The following HNRNPL variants were observed in gnomAD, a reference collection of about 807,000 sequenced individuals.
The protein encoded by HNRNPL is epididymis secretory sperm binding protein.
In HNRNPL, 12 loss-of-function variants were observed where a neutral mutation model predicts 64.0. The observed-to-expected ratio is 0.19, with a 90% confidence interval of 0.12 to 0.30. The LOEUF is 0.30. Ranked by LOEUF, HNRNPL falls within the 10% of genes least tolerant of loss-of-function variation. The pLI, the probability that HNRNPL is intolerant of heterozygous loss-of-function variation, is 1.00. For synonymous variants in HNRNPL, 385 were observed against 313.0 expected (o/e 1.23, Z -2.43); for missense variants, 484 against 797.4 (o/e 0.61, Z 4.73).
In HNRNPL at chr19:38,839,358, C is replaced by A. The variant is rs139215397; in HGVS notation, c.1234-343G>T. The A allele has an allele frequency of 2.6e-5, 7 of 270,422 alleles. No individual in the cohort carries two copies. The East Asian group carries it at 5.7e-4, about 22-fold the overall frequency. The allele number at this position is 270,422 out of a possible 1,614,324, so 16.8% of individuals were successfully genotyped here. A position where few individuals can be genotyped will look rare whatever the true frequency, so the allele number is the denominator to read the frequency against. ...CTATGGATGGCTGTGTCTACAGTCA[C>A]AAGGTAAAATACTCCTTCAGCTGGG... On this transcript the variant is annotated intron_variant, in intron 8 of 12. Transcript: ENST00000221419.
chr19:38,844,327 A>G (rs1285808212), intron 4 of HNRNPL, among the ~76,000 whole-genome samples: 1 of 152,180 alleles, frequency 6.6e-6, no homozygotes. Context: ...GAGTTCTCTC[A>G]TAATCTGCAC....
chr19:38,838,813 A>G, intron 9 of HNRNPL, 81 bp downstream of exon 9: 1 of 1,578,670 alleles, frequency 6.3e-7, no homozygotes. Context: ...CCTCGGCCTC[A>G]CTGTGCTCCT....
upstream of HNRNPL, chr19:38,850,164 A>G (rs1972463870): frequency 2.3e-6 from 1 of 427,902 alleles, no homozygotes; most frequent in Non-Finnish European, 4.1e-6. Flanking sequence ...GACACTCCTT[A>G]TAGGTGGTCG....
At chr19:38,846,144 G>T in intron 2 of HNRNPL, 54 bp from the exon 3 acceptor site, 1 of 1,340,990 alleles carries the variant, frequency 7.5e-7, no homozygotes, top group Non-Finnish European at 1.1e-6. Context: ...GACAGGAGGA[G>T]GGTATCATTT....
At chr19:38,849,604 G>A (rs989145444) in intron 1 of HNRNPL, 96 bp downstream of exon 1, 23 of 1,277,022 alleles carry the variant, frequency 1.8e-5, no homozygotes, top group Admixed American at 1.7e-4. Flanking sequence ...GCCTGGGCGC[G>A]TGCGCAGAGG....
rs775911414 is a variant in HNRNPL, at chr19:38,840,381, G to A, written c.953-5C>T. 16 of 1,557,234 alleles carry A rather than the reference G, an allele frequency of 1.0e-5. 1 individual carries two copies. The South Asian group carries it at 1.9e-4, about 19-fold the overall frequency. On this transcript the variant is annotated splice_polypyrimidine_tract_variant and splice_region_variant and intron_variant, in intron 7 of 12. Transcript: ENST00000221419. ...GGTACCCACCGTGGGGCCCTCCTGGGGGGTGGGAAGGAAAGAGAGGGAGGA... is the reference window on the plus strand; with the variant it reads ...GGTACCCACCGTGGGGCCCTCCTGGAGGGTGGGAAGGAAAGAGAGGGAGGA...
chr19:38,843,708 G>C (rs1206019095), intron 6 of HNRNPL, 134 bp downstream of exon 6: 2 of 708,808 alleles, frequency 2.8e-6, no homozygotes, highest in African/African-American at 1.8e-5. Flanking sequence ...GTGTCCAAGT[G>C]CTGACCCCAA....
chr19:38,843,776 A>C lies in HNRNPL; in HGVS notation c.880+66T>G. ...ATTACATAACCCTGAGCCCAGGCCT[A>C]TTAAGTGCACTAGTCGAGTGAAAGC... On this transcript the variant is annotated intron_variant, in intron 6 of 12. Coordinates refer to ENST00000221419, the MANE Select transcript of HNRNPL (RefSeq NM_001533.3). 3 of 1,325,172 alleles carry C rather than the reference A, an allele frequency of 2.3e-6. 1 individual carries two copies. The highest frequency in any genetic ancestry group is 1.2e-5 in the South Asian group (1 of 83,806). The allele number at this position is 1,325,172 out of a possible 1,614,324, so 82.1% of individuals were successfully genotyped here. A position where few individuals can be genotyped will look rare whatever the true frequency, so the allele number is the denominator to read the frequency against.
chr19:38,836,848 G>T, intron 12 of HNRNPL, 68 bp from the exon 13 acceptor site: 1 of 1,185,142 alleles, frequency 8.4e-7, no homozygotes, highest in Non-Finnish European at 1.2e-6. Flanking sequence ...GTCCCCTCAA[G>T]TTTGTACCCA....
chr19:38,844,495 C>T (rs987950186), intron 4 of HNRNPL, among the ~76,000 whole-genome samples: 31 of 152,158 alleles, frequency 2.0e-4, no homozygotes, highest in African/African-American at 7.0e-4. Flanking sequence ...AGCATCGCAA[C>T]GCTGTCTAGG....
rs544813197 is a variant in HNRNPL, at chr19:38,839,991, T to C, written c.1233+105A>G. On this transcript the variant is annotated intron_variant, in intron 8 of 12. Coordinates refer to ENST00000221419, the MANE Select transcript of HNRNPL (RefSeq NM_001533.3). ...GAGCTCACTGAGTCACTCATTGGCG[T>C]CTGCCCGCCCAGCGCCACACCAGGC... 1.2e-3 allele frequency: 1,281 copies of C among 1,079,616 alleles called. 5 individuals are homozygous for C. In the Middle Eastern group the frequency reaches 0.014, roughly 12 times the overall value. The allele number at this position is 1,079,616 out of a possible 1,614,324, so 66.9% of individuals were successfully genotyped here. A position where few individuals can be genotyped will look rare whatever the true frequency, so the allele number is the denominator to read the frequency against.
upstream of HNRNPL, among the ~76,000 whole-genome samples, chr19:38,852,100 G>T (rs866471622): frequency 2.0e-4 from 30 of 147,502 alleles, no homozygotes; most frequent in African/African-American, 7.6e-4. Flanking sequence ...GGCGCGCACG[G>T]CCGGAGCACG....
At chr19:38,840,042 A>G in intron 8 of HNRNPL, 54 bp downstream of exon 8, 1 of 1,575,744 alleles carries the variant, frequency 6.3e-7, no homozygotes, top group Middle Eastern at 1.7e-4. Flanking sequence ...TCCCGTGCTG[A>G]CTGGCAAGAT....
chr19:38,841,938 G>A (rs1256862271), intron 6 of HNRNPL: 3 of 351,268 alleles, frequency 8.5e-6, no homozygotes, highest in South Asian at 2.1e-5. Flanking sequence ...CTCCGTGTGC[G>A]TGTCTCCTGG....
At chr19:38,836,917 C>T in intron 12 of HNRNPL, 137 bp from the exon 13 acceptor site, 1 of 618,706 alleles carries the variant, frequency 1.6e-6, no homozygotes, top group Non-Finnish European at 2.9e-6. Flanking sequence ...CAACGTGAGG[C>T]TTCAAGATGA....
At chr19:38,845,394 A>G in intron 4 of HNRNPL, 1 of 476,502 alleles carries the variant, frequency 2.1e-6, no homozygotes, top group Non-Finnish European at 3.8e-6. Context: ...AGTAAATAAC[A>G]GAAAGAAAAC....
chr19:38,846,195 T>C (rs1972288862), intron 2 of HNRNPL, 105 bp from the exon 3 acceptor site: 1 of 842,070 alleles, frequency 1.2e-6, no homozygotes, highest in Admixed American at 1.8e-5. Flanking sequence ...TCTGAACTCC[T>C]CTGCAACCCT....
intron 1 of HNRNPL, 65 bp downstream of exon 1, chr19:38,849,635 G>A (rs1490842691): frequency 7.7e-6 from 10 of 1,294,800 alleles, no homozygotes; most frequent in East Asian, 6.0e-5. Flanking sequence ...AAAATAAAAT[G>A]CCCTCAAGCT....
At chr19:38,842,105 A>ATTT (rs10624642) in intron 6 of HNRNPL, 54 of 132,894 alleles carry the variant, frequency 4.1e-4, no homozygotes, top group South Asian at 1.6e-3. Context: ...TGTGGTTAAA[A>ATTT]TTTTTTTTTT....
Sources: allele counts gnomAD v4.1 joint callset (sites outside exome capture counted in the v4.1 genomes callset), GRCh38; gene constraint gnomAD v4.1.1; transcripts MANE v1.5; gene names NCBI Gene and HGNC (gene_info 2026-07-23, HGNC 2026-07-21).